HCRTR2: variants seen among roughly 807,000 people sequenced by gnomAD.
HCRTR2 encodes orexin receptor type 2.
In HCRTR2, 22 loss-of-function variants were observed where a neutral mutation model predicts 49.0. The ratio of observed to expected loss-of-function variants is 0.45; its 90% CI spans 0.32 to 0.64. The LOEUF (loss-of-function observed/expected upper bound fraction) is 0.64, where lower values mean the gene tolerates loss of function less well. Among genes scored for constraint, HCRTR2 ranks in the 30% least tolerant of loss-of-function variants. The pLI is 0.04. For missense variants in HCRTR2, 491 were observed against 559.4 expected, an observed-to-expected ratio of 0.88 and a Z score of 1.23; for synonymous variants, 236 against 205.3, an observed-to-expected ratio of 1.15 and a Z score of -1.28.
At chr6:55,215,762 T>C (rs1765776006) in intron 1 of HCRTR2, among the ~76,000 whole-genome samples, 1 of 152,230 alleles carries the variant, frequency 6.6e-6, no homozygotes, top group Non-Finnish European at 1.5e-5. Context: ...ATTGTTATAA[T>C]ATGTTTGATT....
chr6:55,116,984 A>C (rs1379056666), intron 1 of HCRTR2, among the ~76,000 whole-genome samples: 1 of 151,808 alleles, frequency 6.6e-6, no homozygotes, highest in African/African-American at 2.4e-5. Context: ...GGGGCACTCC[A>C]TCTACAGTTG....
At chr6:55,110,008 T>C (rs1419734738) in intron 1 of HCRTR2, among the ~76,000 whole-genome samples, 2 of 152,136 alleles carry the variant, frequency 1.3e-5, no homozygotes, top group Non-Finnish European at 2.9e-5. Context: ...ACCTAGCAGA[T>C]AAACAGCAGA....
chr6:55,135,079 T>C (rs1434354317), intron 1 of HCRTR2, among the ~76,000 whole-genome samples: 2 of 151,724 alleles, frequency 1.3e-5, no homozygotes, highest in Non-Finnish European at 2.9e-5. Flanking sequence ...AAGCCCAGAG[T>C]AATGAAGCAG....
At chr6:55,157,963 C>A (rs1764752333) in intron 1 of HCRTR2, among the ~76,000 whole-genome samples, 1 of 152,180 alleles carries the variant, frequency 6.6e-6, no homozygotes, top group African/African-American at 2.4e-5. Flanking sequence ...CTTCTCAATG[C>A]CCAGAAACTG....
At chr6:55,165,222 G>GGAGA (rs35805278) in intron 1 of HCRTR2, among the ~76,000 whole-genome samples, 4 of 150,614 alleles carry the variant, frequency 2.7e-5, no homozygotes, top group South Asian at 2.1e-4. Context: ...TAAAAAGGAA[G>GGAGA]GAGAGAGAGA....
intron 1 of HCRTR2, among the ~76,000 whole-genome samples, chr6:55,221,592 T>A (rs1167162218): frequency 6.6e-6 from 1 of 152,172 alleles, no homozygotes; most frequent in African/African-American, 2.4e-5. Context: ...GGGGGTCAGA[T>A]CACGAGGTCA....
intron 1 of HCRTR2, among the ~76,000 whole-genome samples, chr6:55,240,358 A>AG (rs1491350352): frequency 2.2e-5 from 1 of 45,622 alleles, no homozygotes; most frequent in Non-Finnish European, 4.5e-5. Flanking sequence ...ACTCCAGCTC[A>AG]AAAAAAAAAA....
intron 1 of HCRTR2, among the ~76,000 whole-genome samples, chr6:55,149,995 T>A (rs149651913): frequency 6.6e-6 from 1 of 152,150 alleles, no homozygotes; most frequent in African/African-American, 2.4e-5. Context: ...AAAGATTCTA[T>A]CTTTTACAGA....
chr6:55,281,822 G>T (rs1308457757), intron 6 of HCRTR2, among the ~76,000 whole-genome samples: 1 of 152,092 alleles, frequency 6.6e-6, no homozygotes, highest in Non-Finnish European at 1.5e-5. Flanking sequence ...AAATGCAGGA[G>T]TAATTTTTGT....
At chr6:55,140,778 A>G (rs1399942765) in intron 1 of HCRTR2, among the ~76,000 whole-genome samples, 1 of 152,166 alleles carries the variant, frequency 6.6e-6, no homozygotes, top group African/African-American at 2.4e-5. Context: ...TTTAATTCCA[A>G]TTTTTTTCTA....
At chr6:55,168,486 T>C (rs1764907122) in intron 1 of HCRTR2, among the ~76,000 whole-genome samples, 1 of 152,192 alleles carries the variant, frequency 6.6e-6, no homozygotes, top group South Asian at 2.1e-4. Flanking sequence ...GCTTAAACAC[T>C]CCACCACTTT....
At chr6:55,190,503 G>C (rs1765298268) in intron 1 of HCRTR2, among the ~76,000 whole-genome samples, 1 of 152,180 alleles carries the variant, frequency 6.6e-6, no homozygotes, top group South Asian at 2.1e-4. Context: ...ATTAGAACAT[G>C]AAGGTAAGAG....
chr6:55,144,099 C>CTTTTTTTTTTTT (rs530138605), intron 1 of HCRTR2, among the ~76,000 whole-genome samples: 1 of 85,360 alleles, frequency 1.2e-5, no homozygotes, highest in Non-Finnish European at 2.1e-5. Context: ...CCCGTCCTGC[C>CTTTTTTTTTTTT]TTTTTTTTTT....
chr6:55,154,203 T>G (rs1764700332), intron 1 of HCRTR2, among the ~76,000 whole-genome samples: 1 of 151,886 alleles, frequency 6.6e-6, no homozygotes, highest in Admixed American at 6.6e-5. Context: ...ACATTTAAAG[T>G]ATTAATGCCA....
chr6:55,198,398 C>T (rs1765456014), intron 1 of HCRTR2, among the ~76,000 whole-genome samples: 1 of 152,158 alleles, frequency 6.6e-6, no homozygotes, highest in Non-Finnish European at 1.5e-5. Flanking sequence ...AACCCCAACA[C>T]TATCTCAAAC....
chr6:55,239,984 C>T (rs1415824489), intron 1 of HCRTR2, among the ~76,000 whole-genome samples: 4 of 151,822 alleles, frequency 2.6e-5, no homozygotes, highest in African/African-American at 9.7e-5. Context: ...GCCATGTTGG[C>T]CAGGCCGGTC....
At chr6:55,185,801 T>C (rs775924616) in intron 1 of HCRTR2, among the ~76,000 whole-genome samples, 1 of 152,248 alleles carries the variant, frequency 6.6e-6, no homozygotes, top group Non-Finnish European at 1.5e-5. Flanking sequence ...CTTTGGATGA[T>C]TGATCACTGT....
At chr6:55,216,849 C>G (rs929221367) in intron 1 of HCRTR2, among the ~76,000 whole-genome samples, 1 of 152,214 alleles carries the variant, frequency 6.6e-6, no homozygotes. Context: ...TAGTGGGGCT[C>G]TCAGCCATGG....
intron 1 of HCRTR2, among the ~76,000 whole-genome samples, chr6:55,130,455 C>G (rs541457163): frequency 6.6e-6 from 1 of 151,234 alleles, no homozygotes; most frequent in East Asian, 1.9e-4. Context: ...AATTTCATCT[C>G]CAATATATTC....
Sources: gnomAD v4.1 joint callset for allele counts (sites outside exome capture counted in the v4.1 genomes callset) on GRCh38, gnomAD v4.1.1 for gene constraint, MANE v1.5 for transcripts, NCBI Gene and HGNC (gene_info 2026-07-23, HGNC 2026-07-21) for gene names.